Variants in MECOM observed in about 807,000 individuals in gnomAD.
MECOM encodes MDS1 and EVI1 complex locus.
MECOM carries 13 observed loss-of-function variants against 116.3 expected under a neutral mutation model. That is an observed-to-expected ratio of 0.11 (90% confidence interval 0.07 to 0.18). The LOEUF is 0.18. MECOM is among the 10% of genes least tolerant of loss of function. The pLI, the probability that MECOM is intolerant of heterozygous loss-of-function variation, is 1.00. For synonymous variants in MECOM, 528 were observed against 535.2 expected, an observed-to-expected ratio of 0.99 and a Z score of 0.19; for missense variants, 1,299 against 1,509.0, an observed-to-expected ratio of 0.86 and a Z score of 2.31.
chr3:169,450,625 T>C (rs1304427609), intron 1 of MECOM, among the ~76,000 whole-genome samples: 1 of 151,934 alleles, frequency 6.6e-6, no homozygotes, highest in African/African-American at 2.4e-5. Context: ...GAGAAGACAG[T>C]TGGAGTAGTC....
At chr3:169,142,052 A>C (rs1425518762) in intron 3 of MECOM, among the ~76,000 whole-genome samples, 1 of 151,994 alleles carries the variant, frequency 6.6e-6, no homozygotes, top group Non-Finnish European at 1.5e-5. Context: ...CTATGGTAAA[A>C]TTATAAATGC....
At chr3:169,442,868 T>G (rs1743965034) in intron 1 of MECOM, among the ~76,000 whole-genome samples, 1 of 152,174 alleles carries the variant, frequency 6.6e-6, no homozygotes, top group Non-Finnish European at 1.5e-5. Context: ...AATGGAGTAG[T>G]ATCTTTATGG....
intron 2 of MECOM, among the ~76,000 whole-genome samples, chr3:169,320,376 T>C (rs1014548175): frequency 1.2e-4 from 19 of 152,208 alleles, no homozygotes; most frequent in Admixed American, 4.6e-4. Flanking sequence ...TACAAAGTGA[T>C]GTTGAAGACA....
intron 2 of MECOM, among the ~76,000 whole-genome samples, chr3:169,171,115 T>A (rs1001224415): frequency 6.6e-6 from 1 of 152,212 alleles, no homozygotes; most frequent in African/African-American, 2.4e-5. Flanking sequence ...AGTATACACA[T>A]GCATAATTTA....
intron 1 of MECOM, among the ~76,000 whole-genome samples, chr3:169,487,447 G>A (rs73174324): frequency 0.1 from 15,416 of 151,954 alleles, 1,465 homozygotes; most frequent in East Asian, 0.25. Context: ...AAAGAGGGTA[G>A]ATATTACTTA....
At chr3:169,413,301 A>G (rs948840777) in intron 1 of MECOM, among the ~76,000 whole-genome samples, 1 of 152,152 alleles carries the variant, frequency 6.6e-6, no homozygotes, top group African/African-American at 2.4e-5. Context: ...GGACCGTGCC[A>G]TGAGGGACTG....
At chr3:169,132,167 T>G (rs925496196) in intron 3 of MECOM, among the ~76,000 whole-genome samples, 1 of 152,220 alleles carries the variant, frequency 6.6e-6, no homozygotes, top group African/African-American at 2.4e-5. Context: ...GCATTATGCA[T>G]TTTATTGATT....
chr3:169,318,664 T>C (rs1329149955), intron 2 of MECOM, among the ~76,000 whole-genome samples: 1 of 152,186 alleles, frequency 6.6e-6, no homozygotes, highest in African/African-American at 2.4e-5. Context: ...TTTTACACTG[T>C]TGATGGCAGT....
chr3:169,613,360 G>A (rs1262318977), intron 1 of MECOM: 1 of 152,176 alleles, frequency 6.6e-6, no homozygotes, highest in Non-Finnish European at 1.5e-5. Context: ...CATCGGGGCG[G>A]AAATGCATCT....
chr3:169,538,378 T>A (rs1408871065), intron 1 of MECOM, among the ~76,000 whole-genome samples: 1 of 152,182 alleles, frequency 6.6e-6, no homozygotes, highest in East Asian at 1.9e-4. Context: ...ATTCATTGGA[T>A]AATCCCTTAA....
chr3:169,406,620 G>T (rs1232271107), intron 1 of MECOM, among the ~76,000 whole-genome samples: 1 of 152,086 alleles, frequency 6.6e-6, no homozygotes, highest in Non-Finnish European at 1.5e-5. Flanking sequence ...AACTTACTAT[G>T]TGCCAGACTG....
chr3:169,442,206 A>G (rs1743850660), intron 1 of MECOM, among the ~76,000 whole-genome samples: 1 of 152,090 alleles, frequency 6.6e-6, no homozygotes, highest in African/African-American at 2.4e-5. Context: ...GATTACAGGC[A>G]TGAGCCACCA....
rs538829757 is a variant in MECOM at position 169,124,400 on chromosome 3, G to A, written c.831-1673C>T. On this transcript the variant is annotated intron_variant, in intron 5 of 16. Transcript: ENST00000651503. ...AAAGAGACAGAGAGAGACACAGAGA[G>A]AAAGAGACTGCCCTCTGGGGGAGCC... is the stretch of plus-strand genomic sequence containing the variant. Among the ~76,000 whole-genome samples, 12 of 152,152 alleles carry A rather than the reference G, an allele frequency of 7.9e-5. No homozygotes were observed. In the East Asian group the frequency reaches 1.9e-3, roughly 24 times the overall value.
At chr3:169,584,419 G>A (rs548090956) in intron 1 of MECOM, among the ~76,000 whole-genome samples, 2 of 151,606 alleles carry the variant, frequency 1.3e-5, no homozygotes, top group Admixed American at 6.6e-5. Context: ...CAAAAAATTA[G>A]CCGGGCGTGG....
chr3:169,311,114 A>G (rs572737802), intron 2 of MECOM, among the ~76,000 whole-genome samples: 23 of 152,354 alleles, frequency 1.5e-4, no homozygotes, highest in African/African-American at 5.1e-4. Context: ...AAAAAAGGTC[A>G]CAGTATTGAG....
At chr3:169,362,714 C>T (rs577765344) in intron 2 of MECOM, among the ~76,000 whole-genome samples, 3 of 152,070 alleles carry the variant, frequency 2.0e-5, no homozygotes, top group African/African-American at 4.8e-5. Context: ...CAAAGAGAGA[C>T]ACAAGAGTCA....
chr3:169,413,229 G>A (rs1737874160), intron 1 of MECOM, among the ~76,000 whole-genome samples: 1 of 152,178 alleles, frequency 6.6e-6, no homozygotes, highest in East Asian at 1.9e-4. Context: ...GTGAGGCATT[G>A]CCTCACCTGC....
intron 1 of MECOM, among the ~76,000 whole-genome samples, chr3:169,486,618 G>A (rs1012917744): frequency 1.3e-5 from 2 of 151,918 alleles, no homozygotes; most frequent in African/African-American, 4.8e-5. Flanking sequence ...AAGAACACCT[G>A]GATAATTAAT....
chr3:169,446,220 C>G (rs553750492), intron 1 of MECOM, among the ~76,000 whole-genome samples: 1 of 152,238 alleles, frequency 6.6e-6, no homozygotes, highest in South Asian at 2.1e-4. Flanking sequence ...CCACCCAACT[C>G]TCAACTTGAA....
Sources: allele counts gnomAD v4.1 joint callset (sites outside exome capture counted in the v4.1 genomes callset), GRCh38; gene constraint gnomAD v4.1.1; transcripts MANE v1.5; gene names NCBI Gene and HGNC (gene_info 2026-07-23, HGNC 2026-07-21).